Variants in NXPE2 observed in about 807,000 individuals in gnomAD.
NXPE2 encodes the protein neurexophilin and PC-esterase domain family member 2.
Under a neutral mutation model 34.4 loss-of-function variants are expected in NXPE2, and 34 were observed. The ratio of observed to expected loss-of-function variants is 0.99; its 90% CI spans 0.75 to 1.31. The LOEUF (loss-of-function observed/expected upper bound fraction) is 1.31. NXPE2 is among the 40% of genes most tolerant of loss of function. The pLI is 0.00. For missense variants in NXPE2, 649 were observed against 672.5 expected, an observed-to-expected ratio of 0.97 and a Z score of 0.39; for synonymous variants, 235 against 231.3, an observed-to-expected ratio of 1.02 and a Z score of -0.15.
At chr11:114,600,499 A>G in the NXPE2 span, among the ~76,000 whole-genome samples, 4 of 152,162 alleles carry the variant, frequency 2.6e-5, no homozygotes, top group Non-Finnish European at 5.9e-5. Flanking sequence ...AAAGCAATGT[A>G]TAACTTCAAT....
At chr11:114,626,465 C>A in the NXPE2 span, among the ~76,000 whole-genome samples, 30 of 152,102 alleles carry the variant, frequency 2.0e-4, no homozygotes, top group Admixed American at 2.0e-3. Context: ...AGCTGACGGT[C>A]CTGTCTGTTA....
the NXPE2 span, among the ~76,000 whole-genome samples, chr11:114,538,200 T>C: frequency 6.6e-6 from 1 of 152,226 alleles, no homozygotes; most frequent in Non-Finnish European, 1.5e-5. Context: ...ATTTAATAAA[T>C]GGTGCTGGGA....
the NXPE2 span, among the ~76,000 whole-genome samples, chr11:114,769,113 GAAAA>G: frequency 6.9e-6 from 1 of 144,970 alleles, no homozygotes; most frequent in Non-Finnish European, 1.5e-5. Flanking sequence ...AAATTTGCAA[GAAAA>G]AAAAACAACC....
the NXPE2 span, among the ~76,000 whole-genome samples, chr11:114,632,950 T>C: frequency 9.8e-6 from 1 of 101,668 alleles, no homozygotes; most frequent in African/African-American, 4.1e-5. Flanking sequence ...TATTATATGA[T>C]ATTTTATATA....
the NXPE2 span, among the ~76,000 whole-genome samples, chr11:114,655,017 C>T: frequency 6.6e-6 from 1 of 152,326 alleles, no homozygotes; most frequent in Non-Finnish European, 1.5e-5. Context: ...ACCATTCTGA[C>T]TGGTGTGAGA....
the NXPE2 span, among the ~76,000 whole-genome samples, chr11:114,671,063 A>T: frequency 2.7e-5 from 4 of 147,986 alleles, no homozygotes; most frequent in East Asian, 7.8e-4. Flanking sequence ...ATATAAATAT[A>T]TACATAAATA....
the NXPE2 span, among the ~76,000 whole-genome samples, chr11:114,617,170 C>G: frequency 6.6e-6 from 1 of 151,452 alleles, no homozygotes; most frequent in Non-Finnish European, 1.5e-5. Flanking sequence ...CCATTGTTAC[C>G]CAGTGGATAA....
At chr11:114,552,570 G>A in the NXPE2 span, among the ~76,000 whole-genome samples, 1 of 151,690 alleles carries the variant, frequency 6.6e-6, no homozygotes, top group Admixed American at 6.6e-5. Context: ...CAAAAAGCAT[G>A]TTCAATAGGA....
the NXPE2 span, among the ~76,000 whole-genome samples, chr11:114,777,151 A>G: frequency 6.6e-6 from 1 of 152,226 alleles, no homozygotes; most frequent in Non-Finnish European, 1.5e-5. Flanking sequence ...CACACCTTCA[A>G]AAAGATATGA....
chr11:114,678,602 G>A lies in NXPE2; in HGVS notation c.26+1G>A, dbSNP rs777304576. The A allele has an allele frequency of 5.8e-6, 9 of 1,548,598 alleles. No individual in the cohort carries two copies. In the South Asian group the frequency reaches 8.3e-5, roughly 14 times the overall value. Reference sequence around the variant, plus strand: ...TGGTGGAGAAAATACTCATCCATAGGTGTGGTACTTTCCAACTCTTACTGC... The same window carrying A: ...TGGTGGAGAAAATACTCATCCATAGATGTGGTACTTTCCAACTCTTACTGC... On this transcript the variant is annotated splice_donor_variant, in intron 1 of 5. Coordinates refer to ENST00000389586, the MANE Select transcript of NXPE2 (RefSeq NM_182495.6). LOFTEE classifies it high-confidence loss of function.
At chr11:114,695,834 C>CACACACACACACAG (rs1337731121) in intron 2 of NXPE2, among the ~76,000 whole-genome samples, 1 of 126,536 alleles carries the variant, frequency 7.9e-6, no homozygotes, top group Non-Finnish European at 1.6e-5. Flanking sequence ...CTACTAAACA[C>CACACACACACACAG]ACACACACAC....
At chr11:114,699,811 T>G (rs372664027) in intron 3 of NXPE2, among the ~76,000 whole-genome samples, 1 of 122,938 alleles carries the variant, frequency 8.1e-6, no homozygotes, top group Non-Finnish European at 1.7e-5. Context: ...TTTTTTTTTT[T>G]GAGACCGAGT....
the NXPE2 span, among the ~76,000 whole-genome samples, chr11:114,668,554 A>G: frequency 1.3e-5 from 2 of 152,114 alleles, no homozygotes; most frequent in Non-Finnish European, 2.9e-5. Flanking sequence ...ACTGGAGAAG[A>G]ACTCAGTTAG....
chr11:114,530,186 G>A, the NXPE2 span: 4 of 1,604,756 alleles, frequency 2.5e-6, no homozygotes, highest in Admixed American at 1.7e-5. Flanking sequence ...TGTGGAAAAG[G>A]CTGTTTTCCT....
intron 3 of NXPE2, 137 bp downstream of exon 3, chr11:114,698,915 C>A (rs1951315215): frequency 4.7e-6 from 4 of 850,838 alleles, no homozygotes; most frequent in Admixed American, 3.0e-5. Flanking sequence ...AGAGTCAGTT[C>A]AGCTTGGAGT....
At chr11:114,661,151 A>G in the NXPE2 span, among the ~76,000 whole-genome samples, 1 of 152,192 alleles carries the variant, frequency 6.6e-6, no homozygotes, top group Non-Finnish European at 1.5e-5. Flanking sequence ...GGGCAGGTTC[A>G]ATATGATTAG....
At chr11:114,805,242 C>G in the NXPE2 span, among the ~76,000 whole-genome samples, 1 of 150,116 alleles carries the variant, frequency 6.7e-6, no homozygotes, top group East Asian at 2.0e-4. Flanking sequence ...CAGCTCTGGT[C>G]TACAGCTCCC....
the NXPE2 span, among the ~76,000 whole-genome samples, chr11:114,725,111 T>C: frequency 3.3e-5 from 5 of 151,990 alleles, no homozygotes; most frequent in Admixed American, 3.3e-4. Context: ...CCTTATTGCA[T>C]GTCATTAAAT....
At chr11:114,522,242 A>T in the NXPE2 span, 6 of 1,614,084 alleles carry the variant, frequency 3.7e-6, no homozygotes, top group Non-Finnish European at 3.4e-6. Context: ...AGCCTTTTGA[A>T]CACCGATGGC....
Sources: allele counts gnomAD v4.1 joint callset (sites outside exome capture counted in the v4.1 genomes callset), GRCh38; gene constraint gnomAD v4.1.1; transcripts MANE v1.5; gene names NCBI Gene and HGNC (gene_info 2026-07-23, HGNC 2026-07-21).